The following SLC8A1 variants were observed in gnomAD, a reference collection of about 807,000 sequenced individuals.
The protein encoded by SLC8A1 is sodium/calcium exchanger 1.
A neutral mutation model predicts 68.3 loss-of-function variants in SLC8A1; 18 were observed. That is an observed-to-expected ratio of 0.26 (90% confidence interval 0.18 to 0.39). The LOEUF (loss-of-function observed/expected upper bound fraction) is 0.39, where lower values mean the gene tolerates loss of function less well. Among genes scored for constraint, SLC8A1 ranks in the 10% least tolerant of loss-of-function variants. SLC8A1 has a pLI of 1.00. For missense variants in SLC8A1, 985 were observed against 1,156.7 expected, an observed-to-expected ratio of 0.85 and a Z score of 2.15; for synonymous variants, 475 against 415.5, an observed-to-expected ratio of 1.14 and a Z score of -1.74.
Position 40,160,870 on chromosome 2 carries a change from A to C in SLC8A1, c.2062-6T>G, listed in dbSNP as rs1163228608. ...ATGAGTTTGTCCACAGTACTCTAGA[A>C]ATGTTGAAAAGAAAAATATAAATGC... On this transcript the variant is annotated splice_region_variant and splice_polypyrimidine_tract_variant and intron_variant, in intron 5 of 7. Coordinates refer to ENST00000406785, the Ensembl canonical transcript of SLC8A1. 1.2e-6 allele frequency: 2 copies of C among 1,606,946 alleles called. No homozygotes were observed. Among genetic ancestry groups the C allele is most frequent in the African/African-American group, 1.3e-5 (1 of 74,814 alleles).
At chr2:40,430,216 G>C (rs143231281) in exon 2 of SLC8A1, 1 of 1,613,468 alleles carries the variant, frequency 6.2e-7, no homozygotes, top group Non-Finnish European at 8.5e-7. Flanking sequence ...GAGACTCACA[G>C]TAACTAACAG....
chr2:40,299,302 A>G (rs191826448), intron 2 of SLC8A1, among the ~76,000 whole-genome samples: 13 of 152,268 alleles, frequency 8.5e-5, no homozygotes, highest in Non-Finnish European at 4.4e-5. Flanking sequence ...TTGATTGCCT[A>G]AGTGATCTGC....
At chr2:40,123,250 C>T (rs1055263291) in intron 7 of SLC8A1, 2 of 152,210 alleles carry the variant, frequency 1.3e-5, no homozygotes, top group African/African-American at 4.8e-5. Flanking sequence ...TCATCATGTT[C>T]AACTCCGACT....
At chr2:40,496,401 C>T (rs1252908639) in intron 1 of SLC8A1, among the ~76,000 whole-genome samples, 3 of 151,976 alleles carry the variant, frequency 2.0e-5, no homozygotes, top group African/African-American at 4.8e-5. Flanking sequence ...CTGTATGGCA[C>T]GTATTTCAAA....
At chr2:40,241,991 T>A (rs1167542507) in intron 2 of SLC8A1, among the ~76,000 whole-genome samples, 1 of 152,170 alleles carries the variant, frequency 6.6e-6, no homozygotes, top group Non-Finnish European at 1.5e-5. Flanking sequence ...ACTCAATAAT[T>A]TGATCTATTT....
At chr2:40,454,057 G>A (rs1211773961), upstream of SLC8A1, among the ~76,000 whole-genome samples, 4 of 152,216 alleles carry the variant, frequency 2.6e-5, no homozygotes, top group Non-Finnish European at 5.9e-5. Context: ...GACCTGTGGG[G>A]AGAGACAGAA....
At chr2:40,173,436 C>G (rs940434907) in intron 4 of SLC8A1, among the ~76,000 whole-genome samples, 1 of 152,100 alleles carries the variant, frequency 6.6e-6, no homozygotes, top group Non-Finnish European at 1.5e-5. Flanking sequence ...CATTCTTATC[C>G]CTTTCAACTT....
intron 2 of SLC8A1, among the ~76,000 whole-genome samples, chr2:40,413,652 G>A (rs9789739): frequency 0.14 from 20,558 of 152,122 alleles, 2,578 homozygotes; most frequent in East Asian, 0.66. Flanking sequence ...TTCATGTCCT[G>A]TAGCTTGAGA....
chr2:40,475,211 G>C (rs1704209131), intron 1 of SLC8A1, among the ~76,000 whole-genome samples: 1 of 152,112 alleles, frequency 6.6e-6, no homozygotes, highest in African/African-American at 2.4e-5. Flanking sequence ...TCTGCTCACT[G>C]CAAGCTCCGT....
intron 2 of SLC8A1, among the ~76,000 whole-genome samples, chr2:40,352,787 TTTAAG>T (rs1237318007): frequency 3.3e-5 from 5 of 152,188 alleles, no homozygotes; most frequent in Non-Finnish European, 5.9e-5. Flanking sequence ...AGGACGTGGC[TTTAAG>T]TTAACACCAG....
chr2:40,261,074 C>G (rs967161733), intron 2 of SLC8A1, among the ~76,000 whole-genome samples: 1 of 152,114 alleles, frequency 6.6e-6, no homozygotes, highest in African/African-American at 2.4e-5. Flanking sequence ...AGCAATGGAG[C>G]CAGGTCAAAA....
intron 2 of SLC8A1, among the ~76,000 whole-genome samples, chr2:40,318,996 A>G (rs2074850597): frequency 6.6e-6 from 1 of 152,094 alleles, no homozygotes; most frequent in African/African-American, 2.4e-5. Context: ...CTATAAATAC[A>G]CCAACTGGAA....
chr2:40,368,252 C>T (rs1676892223), intron 2 of SLC8A1, among the ~76,000 whole-genome samples: 1 of 152,044 alleles, frequency 6.6e-6, no homozygotes, highest in South Asian at 2.1e-4. Context: ...TTCATTTCAA[C>T]ATCTAGGCCA....
chr2:40,145,177 A>G (rs369781350), intron 6 of SLC8A1, among the ~76,000 whole-genome samples: 22 of 141,458 alleles, frequency 1.6e-4, no homozygotes, highest in East Asian at 7.9e-4. Context: ...AAGTGAGACC[A>G]TGCAATATTT....
chr2:40,464,232 C>G (rs1341720488), intron 1 of SLC8A1, among the ~76,000 whole-genome samples: 2 of 152,112 alleles, frequency 1.3e-5, no homozygotes, highest in Admixed American at 6.6e-5. Context: ...GGGCAGTTCC[C>G]TGAACCAGAT....
intron 2 of SLC8A1, among the ~76,000 whole-genome samples, chr2:40,315,537 G>A (rs538521772): frequency 3.4e-4 from 51 of 150,676 alleles, no homozygotes; most frequent in African/African-American, 1.0e-3. Context: ...TTGAACTAGC[G>A]TTTAAAAAGG....
intron 2 of SLC8A1, among the ~76,000 whole-genome samples, chr2:40,241,590 C>T (rs190612875): frequency 5.3e-5 from 8 of 152,152 alleles, no homozygotes; most frequent in Non-Finnish European, 1.2e-4. Flanking sequence ...TCTTCTTTGC[C>T]CTCCCCTAAC....
chr2:40,247,494 ATGT>A (rs1446800586), intron 2 of SLC8A1, among the ~76,000 whole-genome samples: 1 of 152,068 alleles, frequency 6.6e-6, no homozygotes, highest in East Asian at 1.9e-4. Flanking sequence ...GGTTTTACTA[ATGT>A]TATTATTTAA....
intron 7 of SLC8A1, among the ~76,000 whole-genome samples, chr2:40,132,033 A>C (rs1222106037): frequency 6.6e-6 from 1 of 152,174 alleles, no homozygotes. Context: ...GGTGTTTTTC[A>C]TGCCAAACAG....
Sources: allele counts gnomAD v4.1 joint callset (sites outside exome capture counted in the v4.1 genomes callset), GRCh38; gene constraint gnomAD v4.1.1; transcripts MANE v1.5; gene names NCBI Gene and HGNC (gene_info 2026-07-23, HGNC 2026-07-21).